ZBTB20: variants seen among roughly 807,000 people sequenced by gnomAD.
The protein encoded by ZBTB20 is zinc finger and BTB domain containing 20.
Under a neutral mutation model 56.9 loss-of-function variants are expected in ZBTB20, and 9 were observed. The observed-to-expected ratio is 0.16, with a 90% CI of 0.10 to 0.28. The LOEUF (loss-of-function observed/expected upper bound fraction) is 0.28, where lower values mean the gene tolerates loss of function less well. Among genes scored for constraint, ZBTB20 ranks in the 10% least tolerant of loss-of-function variants. The pLI is 1.00. For missense variants in ZBTB20, 655 were observed against 1,003.0 expected, an observed-to-expected ratio of 0.65 and a Z score of 4.69; for synonymous variants, 417 against 420.7, an observed-to-expected ratio of 0.99 and a Z score of 0.11.
intron 6 of ZBTB20, among the ~76,000 whole-genome samples, chr3:114,638,297 G>C (rs574867634): frequency 1.3e-5 from 2 of 151,958 alleles, no homozygotes; most frequent in African/African-American, 2.4e-5. Context: ...AGTTGTGGCA[G>C]CTATTTTGTG....
chr3:115,071,842 G>T (rs2082420146), intron 1 of ZBTB20, among the ~76,000 whole-genome samples: 1 of 152,066 alleles, frequency 6.6e-6, no homozygotes, highest in South Asian at 2.1e-4. Flanking sequence ...TGCCGAAGAG[G>T]ATCATCCAAA....
chr3:114,548,104 G>A (rs2050118698), intron 6 of ZBTB20, among the ~76,000 whole-genome samples: 1 of 152,244 alleles, frequency 6.6e-6, no homozygotes, highest in Non-Finnish European at 1.5e-5. Context: ...AGAAGGCCAT[G>A]TGTTTCTCTG....
At chr3:114,733,736 C>T (rs1233634957) in intron 5 of ZBTB20, among the ~76,000 whole-genome samples, 3 of 152,056 alleles carry the variant, frequency 2.0e-5, no homozygotes, top group South Asian at 2.1e-4. Flanking sequence ...CATTGGATTG[C>T]TTTTGCTATC....
At chr3:115,091,693 A>T (rs1316431719) in intron 1 of ZBTB20, among the ~76,000 whole-genome samples, 1 of 149,628 alleles carries the variant, frequency 6.7e-6, no homozygotes, top group East Asian at 2.0e-4. Context: ...TATATATATA[A>T]CACACACATA....
chr3:114,770,622 C>T lies in ZBTB20; in HGVS notation c.-343+30479G>A, dbSNP rs140821278. Among the ~76,000 whole-genome samples the T allele has an allele frequency of 2.8e-3, 425 of 152,244 alleles. 1 individual carries two copies. Among genetic ancestry groups the T allele is most frequent in the African/African-American group, 9.1e-3 (378 of 41,548 alleles). ...TGGTTGTCAACTGAGTAGAAAAAAG[C>T]GCCATCTTTTAGAAATCTGTAATTC... On this transcript the variant is annotated intron_variant, in intron 5 of 11. Transcript: ENST00000675478.
intron 11 of ZBTB20, among the ~76,000 whole-genome samples, chr3:114,346,289 CTAAG>C (rs1296587665): frequency 6.6e-6 from 1 of 152,146 alleles, no homozygotes; most frequent in Non-Finnish European, 1.5e-5. Flanking sequence ...AGCAAAGAAA[CTAAG>C]TGTCTCCTGG....
chr3:115,072,585 G>T (rs750891745), intron 1 of ZBTB20, among the ~76,000 whole-genome samples: 1 of 152,254 alleles, frequency 6.6e-6, no homozygotes, highest in Admixed American at 6.5e-5. Flanking sequence ...AAGCTGCCTT[G>T]GATATCCATG....
chr3:114,666,784 C>G (rs750496205), intron 6 of ZBTB20, among the ~76,000 whole-genome samples: 3 of 152,002 alleles, frequency 2.0e-5, no homozygotes, highest in Non-Finnish European at 4.4e-5. Context: ...TGTTTTAAAA[C>G]TGTCCATGAG....
rs2669886 is a variant in ZBTB20 at position 114,531,920 on chromosome 3, C to T, written c.-294-31529G>A. 7.6e-3 allele frequency among the ~76,000 whole-genome samples: 1,159 copies of T among 152,256 alleles called. 13 individuals carry two copies. Among genetic ancestry groups the T allele is most frequent in the African/African-American group, 0.025 (1,055 of 41,534 alleles). On this transcript the variant is annotated intron_variant, in intron 6 of 11. Coordinates refer to ENST00000675478, the MANE Select transcript of ZBTB20 (RefSeq NM_001348800.3). ...TTCCCTCCGTTAGCCGAGAAAGCCGCGAGGGACTGTGCCATGAGGTTCGGT... is the reference window on the plus strand; with the variant it reads ...TTCCCTCCGTTAGCCGAGAAAGCCGTGAGGGACTGTGCCATGAGGTTCGGT...
At chr3:114,402,798 T>C (rs1271109515) in intron 7 of ZBTB20, among the ~76,000 whole-genome samples, 2 of 152,160 alleles carry the variant, frequency 1.3e-5, no homozygotes, top group Non-Finnish European at 2.9e-5. Context: ...ACTGTGAATA[T>C]ATTGCTGAAT....
intron 7 of ZBTB20, among the ~76,000 whole-genome samples, chr3:114,429,755 CAAAG>C (rs2089982399): frequency 6.6e-6 from 1 of 151,892 alleles, no homozygotes; most frequent in African/African-American, 2.4e-5. Context: ...ATAACACAAA[CAAAG>C]AAACAGTGCA....
At chr3:114,897,965 T>G (rs2074954890) in intron 4 of ZBTB20, among the ~76,000 whole-genome samples, 1 of 152,144 alleles carries the variant, frequency 6.6e-6, no homozygotes, top group South Asian at 2.1e-4. Context: ...GTCTTAACTG[T>G]TCTATTTTGA....
intron 3 of ZBTB20, among the ~76,000 whole-genome samples, chr3:114,927,224 T>TA (rs2076191566): frequency 6.6e-6 from 1 of 152,210 alleles, no homozygotes; most frequent in Non-Finnish European, 1.5e-5. Flanking sequence ...AATCTACCAA[T>TA]GGCCTGGAAG....
intron 3 of ZBTB20, among the ~76,000 whole-genome samples, chr3:114,940,172 A>C (rs539470650): frequency 6.8e-6 from 1 of 146,128 alleles, no homozygotes; most frequent in East Asian, 1.9e-4. Flanking sequence ...CACAGTGTAA[A>C]ATGAGAAAGG....
intron 3 of ZBTB20, among the ~76,000 whole-genome samples, chr3:114,914,859 T>A (rs2075681204): frequency 6.6e-6 from 1 of 151,932 alleles, no homozygotes; most frequent in Admixed American, 6.6e-5. Flanking sequence ...TCTGTTGATA[T>A]GTGGTATTAT....
rs183869757 is a variant in ZBTB20 at position 114,400,458 on chromosome 3, C to T, written c.-254-11353G>A. On this transcript the variant is annotated intron_variant, in intron 7 of 11. Transcript: ENST00000675478. ...GGTCCCGAATGTGTGTGGGAACTGA[C>T]AGCCAGTCCACTTCCATTCAGGTTT... Among the ~76,000 whole-genome samples, 50 of 152,128 alleles carry T rather than the reference C, an allele frequency of 3.3e-4. No individual in the cohort carries two copies. The East Asian group carries it at 9.1e-3, about 28-fold the overall frequency.
chr3:114,706,225 AT>A (rs2063709009), intron 5 of ZBTB20, among the ~76,000 whole-genome samples: 1 of 152,118 alleles, frequency 6.6e-6, no homozygotes, highest in East Asian at 1.9e-4. Flanking sequence ...AAAACCACCT[AT>A]TTTGCAGGAA....
intron 6 of ZBTB20, among the ~76,000 whole-genome samples, chr3:114,628,888 T>G (rs1299887753): frequency 6.6e-6 from 1 of 152,190 alleles, no homozygotes; most frequent in Non-Finnish European, 1.5e-5. Context: ...TCTGGGGATT[T>G]GATCACTATG....
At chr3:114,578,523 C>T (rs2107457966) in intron 6 of ZBTB20, among the ~76,000 whole-genome samples, 1 of 151,818 alleles carries the variant, frequency 6.6e-6, no homozygotes, top group African/African-American at 2.4e-5. Flanking sequence ...TTCAGAGAAA[C>T]TACAAGATAT....
Sources: allele counts gnomAD v4.1 joint callset (sites outside exome capture counted in the v4.1 genomes callset), GRCh38; gene constraint gnomAD v4.1.1; transcripts MANE v1.5; gene names NCBI Gene and HGNC (gene_info 2026-07-23, HGNC 2026-07-21).